The following RNU5B-1 variants were observed in gnomAD, a reference collection of about 807,000 sequenced individuals.
RNU5B-1 encodes the protein RNA, U5B small nuclear 1.
At chr15:65,304,726 G>T (rs919915964) in exon 1 of RNU5B-1, 2 of 152,134 alleles carry the variant, frequency 1.3e-5, no homozygotes, top group Non-Finnish European at 2.9e-5. Flanking sequence ...TTTTACTAAA[G>T]ATTTCCGTGG....
At chr15:65,304,735 G>A (rs1193847132) in exon 1 of RNU5B-1, 1 of 152,130 alleles carries the variant, frequency 6.6e-6, no homozygotes, top group Non-Finnish European at 1.5e-5. Flanking sequence ...AGATTTCCGT[G>A]GAGAGGAACA....
chr15:65,304,725 A>G (rs1372040010), exon 1 of RNU5B-1: 3 of 152,196 alleles, frequency 2.0e-5, no homozygotes, highest in Non-Finnish European at 4.4e-5. Context: ...CTTTTACTAA[A>G]GATTTCCGTG....
At chr15:65,304,741 G>T (rs570159171) in exon 1 of RNU5B-1, 1 of 152,126 alleles carries the variant, frequency 6.6e-6, no homozygotes. Context: ...CCGTGGAGAG[G>T]AACAACTCTG....
exon 1 of RNU5B-1, chr15:65,304,707 T>A (rs988569929): frequency 6.6e-6 from 1 of 152,218 alleles, no homozygotes; most frequent in Non-Finnish European, 1.5e-5. Flanking sequence ...ATCGTATAAA[T>A]CTTTCGCCTT....
chr15:65,304,726 G>A (rs919915964), exon 1 of RNU5B-1: 8 of 152,134 alleles, frequency 5.3e-5, no homozygotes, highest in Non-Finnish European at 1.2e-4. Context: ...TTTTACTAAA[G>A]ATTTCCGTGG....
exon 1 of RNU5B-1, chr15:65,304,758 A>G (rs770304034): frequency 6.6e-6 from 1 of 152,192 alleles, no homozygotes; most frequent in Non-Finnish European, 1.5e-5. Context: ...TCTGAGTCTT[A>G]AGCTAATTTT....
At chr15:65,304,770 T>G (rs775784753) in exon 1 of RNU5B-1, 1 of 152,204 alleles carries the variant, frequency 6.6e-6, no homozygotes, top group Non-Finnish European at 1.5e-5. Context: ...GCTAATTTTT[T>G]GAGGCCTTGT....
chr15:65,304,773 G>T (rs891010131), exon 1 of RNU5B-1: 1 of 152,102 alleles, frequency 6.6e-6, no homozygotes, highest in Non-Finnish European at 1.5e-5. Flanking sequence ...AATTTTTTGA[G>T]GCCTTGTTCC....
chr15:65,304,739 A>AT (rs2090799137), exon 1 of RNU5B-1: 2 of 152,152 alleles, frequency 1.3e-5, no homozygotes, highest in East Asian at 1.9e-4. Flanking sequence ...TTCCGTGGAG[A>AT]GGAACAACTC....
exon 1 of RNU5B-1, chr15:65,304,701 T>A (rs2935896): frequency 1.3e-5 from 2 of 152,236 alleles, no homozygotes; most frequent in Non-Finnish European, 2.9e-5. Flanking sequence ...CTTCAGATCG[T>A]ATAAATCTTT....
At chr15:65,304,733 G>C (rs940555394) in exon 1 of RNU5B-1, 2 of 152,122 alleles carry the variant, frequency 1.3e-5, no homozygotes, top group Admixed American at 6.5e-5. Flanking sequence ...AAAGATTTCC[G>C]TGGAGAGGAA....
exon 1 of RNU5B-1, chr15:65,304,689 C>CT (rs2090797870): frequency 6.6e-6 from 1 of 152,162 alleles, no homozygotes; most frequent in African/African-American, 2.4e-5. Context: ...ACTCTGGTTT[C>CT]TCTTCAGATC....
At chr15:65,304,752 A>G (rs570485114) in exon 1 of RNU5B-1, 3 of 152,278 alleles carry the variant, frequency 2.0e-5, no homozygotes, top group East Asian at 1.9e-4. Flanking sequence ...AACAACTCTG[A>G]GTCTTAAGCT....
At chr15:65,304,734 T>A (rs896777237) in exon 1 of RNU5B-1, 4 of 152,170 alleles carry the variant, frequency 2.6e-5, no homozygotes, top group Admixed American at 2.6e-4. Context: ...AAGATTTCCG[T>A]GGAGAGGAAC....
chr15:65,304,729 T>A (rs1567053110), exon 1 of RNU5B-1: 1 of 152,208 alleles, frequency 6.6e-6, no homozygotes, highest in Non-Finnish European at 1.5e-5. Context: ...TACTAAAGAT[T>A]TCCGTGGAGA....
At chr15:65,304,680 C>G (rs181421592) in exon 1 of RNU5B-1, 2 of 152,164 alleles carry the variant, frequency 1.3e-5, no homozygotes, top group East Asian at 1.9e-4. Context: ...AACAAGCATA[C>G]TCTGGTTTCT....
At chr15:65,304,726 G>GT (rs1555428673) in exon 1 of RNU5B-1, 1 of 152,134 alleles carries the variant, frequency 6.6e-6, no homozygotes, top group Non-Finnish European at 1.5e-5. Flanking sequence ...TTTTACTAAA[G>GT]ATTTCCGTGG....
exon 1 of RNU5B-1, chr15:65,304,685 G>T (rs762774288): frequency 1.3e-5 from 2 of 152,122 alleles, no homozygotes; most frequent in Non-Finnish European, 2.9e-5. Flanking sequence ...GCATACTCTG[G>T]TTTCTCTTCA....
At chr15:65,304,780 T>A (rs1026993301) in exon 1 of RNU5B-1, 1 of 152,016 alleles carries the variant, frequency 6.6e-6, no homozygotes, top group African/African-American at 2.4e-5. Context: ...TGAGGCCTTG[T>A]TCCGACAAGG....
Sources: gnomAD v4.1 joint callset for allele counts on GRCh38, gnomAD v4.1.1 for gene constraint, MANE v1.5 for transcripts, NCBI Gene and HGNC (gene_info 2026-07-23, HGNC 2026-07-21) for gene names.